ZFAND6: variants seen among roughly 807,000 people sequenced by gnomAD.
The protein encoded by ZFAND6 is AN1-type zinc finger protein 6.
Under a neutral mutation model 24.5 loss-of-function variants are expected in ZFAND6, and 12 were observed. That is an observed-to-expected ratio of 0.49 (90% confidence interval 0.31 to 0.79). The LOEUF (loss-of-function observed/expected upper bound fraction) is 0.79. Ranked by LOEUF, ZFAND6 falls within the 30% of genes least tolerant of loss-of-function variation. The pLI is 0.04. For synonymous variants in ZFAND6, 92 were observed against 81.5 expected, an observed-to-expected ratio of 1.13 and a Z score of -0.69; for missense variants, 207 against 245.9, an observed-to-expected ratio of 0.84 and a Z score of 1.06.
chr15:80,113,746 T>A lies in ZFAND6; in HGVS notation c.-17-6582T>A, dbSNP rs113787800. Among the ~76,000 whole-genome samples, 140 of 151,510 alleles carry A rather than the reference T, an allele frequency of 9.2e-4. 1 individual carries two copies. The highest frequency in any genetic ancestry group is 2.5e-3 in the African/African-American group (104 of 41,234). ...GGGTTCATGTTAGGCATAAAGAGGG[T>A]TTGAAGAAGAAACTTAGAGTTTAGC... On this transcript the variant is annotated intron_variant, in intron 2 of 6. Coordinates refer to ENST00000261749, the MANE Select transcript of ZFAND6 (RefSeq NM_019006.4).
intron 2 of ZFAND6, among the ~76,000 whole-genome samples, chr15:80,117,560 C>T (rs1297324359): frequency 1.3e-5 from 2 of 152,148 alleles, no homozygotes; most frequent in Admixed American, 6.5e-5. Flanking sequence ...ATTAGTCATT[C>T]TTTCAAATAA....
Position 80,137,684 on chromosome 15 carries a change from GTT to G in ZFAND6, c.*65_*66del. On this transcript the variant is annotated 3_prime_UTR_variant, in exon 7 of 7. Coordinates refer to ENST00000261749, the MANE Select transcript of ZFAND6 (RefSeq NM_019006.4). ...TCTGCAAACTAAAAATTGACTTGAGGTTTTTTTTTTCCTAGTCATTGGGAATG... is the reference window on the plus strand; with the variant it reads ...TCTGCAAACTAAAAATTGACTTGAGGTTTTTTTTCCTAGTCATTGGGAATG... 2.2e-6 allele frequency: 3 copies of G among 1,391,486 alleles called. No individual in the cohort carries two copies. The highest frequency in any genetic ancestry group is 2.8e-6 in the Non-Finnish European group (3 of 1,053,104). The allele number at this position is 1,391,486 out of a possible 1,614,324, so 86.2% of individuals were successfully genotyped here. A position where few individuals can be genotyped will look rare whatever the true frequency, so the allele number is the denominator to read the frequency against.
chr15:80,064,430 G>C (rs2036500291), intron 1 of ZFAND6, among the ~76,000 whole-genome samples: 1 of 151,966 alleles, frequency 6.6e-6, no homozygotes, highest in South Asian at 2.1e-4. Context: ...AATTAATTAT[G>C]ATGGTAAATA....
intron 1 of ZFAND6, among the ~76,000 whole-genome samples, chr15:80,094,313 G>A (rs754955480): frequency 3.9e-5 from 6 of 152,126 alleles, no homozygotes; most frequent in Admixed American, 2.0e-4. Context: ...CTTGAGCTCC[G>A]CCTCCTGTCA....
At chr15:80,106,585 G>GTTTT (rs3082081) in intron 2 of ZFAND6, among the ~76,000 whole-genome samples, 19 of 131,352 alleles carry the variant, frequency 1.4e-4, no homozygotes, top group African/African-American at 4.4e-4. Flanking sequence ...TGTTAAATTT[G>GTTTT]TTTTTTTTTT....
At chr15:80,129,192 A>G (rs1370227752) in intron 5 of ZFAND6, among the ~76,000 whole-genome samples, 1 of 152,234 alleles carries the variant, frequency 6.6e-6, no homozygotes, top group Non-Finnish European at 1.5e-5. Context: ...CTTGGAGCTT[A>G]CATTCTAGGG....
chr15:80,065,262 TA>T lies in ZFAND6; in HGVS notation c.-181+5464del, dbSNP rs929575090. Among the ~76,000 whole-genome samples the T allele has an allele frequency of 9.5e-3, 1,357 of 142,258 alleles. 21 individuals carry two copies. The highest frequency in any genetic ancestry group is 0.031 in the African/African-American group (1,230 of 39,148). The allele number at this position is 142,258 out of a possible 152,430, so 93.3% of individuals were successfully genotyped here. On this transcript the variant is annotated intron_variant, in intron 1 of 6. Transcript: ENST00000261749. The stretch of plus-strand genomic sequence containing the variant: ...TTTTCCTTAAAAATTTTGGCCCCAC[TA>T]AAAAAAAAAACAACTTGTTGCCTTG...
intron 5 of ZFAND6, among the ~76,000 whole-genome samples, chr15:80,127,421 C>T (rs991374046): frequency 6.6e-6 from 1 of 151,912 alleles, no homozygotes; most frequent in South Asian, 2.1e-4. Context: ...AACCCCATCT[C>T]TACTAAAAAT....
chr15:80,083,363 A>C (rs534728556), intron 1 of ZFAND6, among the ~76,000 whole-genome samples: 1 of 152,208 alleles, frequency 6.6e-6, no homozygotes, highest in African/African-American at 2.4e-5. Flanking sequence ...TAAATTCTGC[A>C]CAGGTTTCTT....
intron 1 of ZFAND6, among the ~76,000 whole-genome samples, chr15:80,083,104 G>A (rs2037774699): frequency 6.6e-6 from 1 of 152,112 alleles, no homozygotes; most frequent in South Asian, 2.1e-4. Flanking sequence ...CCATTCTCCT[G>A]CCTCAGCCTC....
At chr15:80,132,289 C>T (rs2040640439) in intron 6 of ZFAND6, among the ~76,000 whole-genome samples, 1 of 152,118 alleles carries the variant, frequency 6.6e-6, no homozygotes, top group African/African-American at 2.4e-5. Context: ...AAGAGTTAGG[C>T]ATGTCTTGAA....
intron 3 of ZFAND6, among the ~76,000 whole-genome samples, chr15:80,121,243 A>G (rs1205387590): frequency 1.3e-5 from 2 of 152,188 alleles, no homozygotes; most frequent in Non-Finnish European, 2.9e-5. Context: ...ACCTACAACC[A>G]TTTAACCAAA....
At chr15:80,096,239 TC>T (rs2038715170) in intron 1 of ZFAND6, among the ~76,000 whole-genome samples, 1 of 152,246 alleles carries the variant, frequency 6.6e-6, no homozygotes, top group Admixed American at 6.5e-5. Flanking sequence ...GTCTGTTATA[TC>T]GTAAACACCT....
At chr15:80,065,559 T>TTTTTTTTTTTC (rs2036585087) in intron 1 of ZFAND6, among the ~76,000 whole-genome samples, 1 of 92,380 alleles carries the variant, frequency 1.1e-5, no homozygotes, top group Non-Finnish European at 2.6e-5. Context: ...TTTTTTTTTT[T>TTTTTTTTTTTC]TTTGGAGACA....
Position 80,127,603 on chromosome 15 carries a change from A to C in ZFAND6, c.365-3577A>C, listed in dbSNP as rs1251114967. 1.3e-3 allele frequency among the ~76,000 whole-genome samples: 191 copies of C among 148,152 alleles called. 1 individual carries two copies. The highest frequency in any genetic ancestry group is 2.6e-3 in the Admixed American group (36 of 14,050). ...AAACTCCATCTCAAAAAAAAAAAAAAAAAAAAAAAAAACCATGCTCAACTT... is the reference window on the plus strand; with the variant it reads ...AAACTCCATCTCAAAAAAAAAAAAACAAAAAAAAAAAACCATGCTCAACTT... On this transcript the variant is annotated intron_variant, in intron 5 of 6. Coordinates refer to ENST00000261749, the MANE Select transcript of ZFAND6 (RefSeq NM_019006.4).
intron 1 of ZFAND6, among the ~76,000 whole-genome samples, chr15:80,085,061 C>T (rs868323778): frequency 2.0e-5 from 3 of 152,192 alleles, no homozygotes; most frequent in Non-Finnish European, 4.4e-5. Flanking sequence ...TTTCAAAGGA[C>T]GCCACTTTCC....
intron 2 of ZFAND6, among the ~76,000 whole-genome samples, chr15:80,113,383 C>A (rs974949189): frequency 6.6e-6 from 1 of 152,172 alleles, no homozygotes; most frequent in Non-Finnish European, 1.5e-5. Context: ...ATAATAGGTA[C>A]TGGCCAATCA....
intron 6 of ZFAND6, among the ~76,000 whole-genome samples, chr15:80,133,985 T>TG (rs1044911562): frequency 6.6e-6 from 1 of 150,640 alleles, no homozygotes; most frequent in Admixed American, 6.6e-5. Context: ...TTAAAGTTGT[T>TG]GGGTTTTTTT....
intron 2 of ZFAND6, among the ~76,000 whole-genome samples, chr15:80,100,620 A>G (rs1198717312): frequency 2.0e-5 from 3 of 152,224 alleles, no homozygotes; most frequent in Non-Finnish European, 2.9e-5. Context: ...CATCTACTTT[A>G]TTCCCTCTTC....
Sources: gnomAD v4.1 joint callset for allele counts (sites outside exome capture counted in the v4.1 genomes callset) on GRCh38, gnomAD v4.1.1 for gene constraint, MANE v1.5 for transcripts, NCBI Gene and HGNC (gene_info 2026-07-23, HGNC 2026-07-21) for gene names.